Variants in DNAH3 observed in about 807,000 individuals in gnomAD.
The protein encoded by DNAH3 is dynein axonemal heavy chain 3, also known as axonemal beta dynein heavy chain 3.
In DNAH3, 332 loss-of-function variants were observed where a neutral mutation model predicts 432.5. The observed-to-expected ratio is 0.77, with a 90% CI of 0.70 to 0.84. The LOEUF (loss-of-function observed/expected upper bound fraction) is 0.84, where lower values mean the gene tolerates loss of function less well. DNAH3 is among the 40% of genes least tolerant of loss of function. The pLI, the probability that DNAH3 is intolerant of heterozygous loss-of-function variation, is 0.00. For synonymous variants in DNAH3, 1,956 were observed against 1,900.2 expected (o/e 1.03, Z -0.76); for missense variants, 4,861 against 5,114.0 (o/e 0.95, Z 1.51).
At chr16:21,063,880 C>T (rs1782903693) in intron 24 of DNAH3, among the ~76,000 whole-genome samples, 1 of 152,170 alleles carries the variant, frequency 6.6e-6, no homozygotes, top group Non-Finnish European at 1.5e-5. Context: ...AAGACAATTT[C>T]ATCTCTTGTT....
chr16:21,003,765 A>G (rs934032129), intron 41 of DNAH3, among the ~76,000 whole-genome samples: 1 of 152,060 alleles, frequency 6.6e-6, no homozygotes, highest in African/African-American at 2.4e-5. Flanking sequence ...ACAGAGTGAG[A>G]CTCTGTCTCA....
At chr16:20,960,356 T>C (rs947539143) in intron 53 of DNAH3, among the ~76,000 whole-genome samples, 2 of 152,064 alleles carry the variant, frequency 1.3e-5, no homozygotes, top group African/African-American at 4.8e-5. Context: ...TGCATAAAGT[T>C]AGAATTCTCA....
At chr16:21,145,473 C>CA (rs2092771756) in intron 2 of DNAH3, 67 bp from the exon 4 acceptor site, 1 of 1,377,434 alleles carries the variant, frequency 7.3e-7, no homozygotes, top group Non-Finnish European at 1.0e-6. Flanking sequence ...GAGCTCTGCT[C>CA]ACACTGAGGC....
rs754541308 is a variant in DNAH3, at chr16:20,948,521, C to A, written c.11305G>T (p.Gly3769Ter). Reference sequence around the variant, plus strand: ...TGAGGAGGGATGTAGTAAGTGTCTCCAGGAGCGAGGGAGTAATAGTCCTCC... The same window carrying A: ...TGAGGAGGGATGTAGTAAGTGTCTCAAGGAGCGAGGGAGTAATAGTCCTCC... Residue 3769 changes from glycine (G) to a stop codon, truncating the protein, a stop_gained, in exon 57 of 62, where the codon GGA (glycine) becomes TGA (stop). Transcript: ENST00000261383. LOFTEE classifies it high-confidence loss of function. 5.6e-6 allele frequency: 9 copies of A among 1,613,812 alleles called. No individual in the cohort carries two copies. In the South Asian group the frequency reaches 8.8e-5, roughly 16 times the overall value.
chr16:20,989,502 T>C (rs1003181884), intron 44 of DNAH3, among the ~76,000 whole-genome samples: 5 of 152,168 alleles, frequency 3.3e-5, no homozygotes, highest in African/African-American at 1.2e-4. Context: ...AGGGTGCTGA[T>C]TGGTGTGTTT....
chr16:21,145,996 A>G, exon 2 of DNAH3: 1 of 1,611,884 alleles, frequency 6.2e-7, no homozygotes, highest in Admixed American at 1.7e-5. Context: ...GATAGAGTCC[A>G]GACGGTTCCT....
chr16:21,086,795 T>C (rs1202337442), intron 19 of DNAH3, 54 bp downstream of exon 19: 2 of 1,512,232 alleles, frequency 1.3e-6, no homozygotes, highest in Non-Finnish European at 1.8e-6. Context: ...CCAAGGACAG[T>C]CAGGGCCAGG....
At chr16:21,119,412 G>C (rs116701511) in intron 11 of DNAH3, among the ~76,000 whole-genome samples, 1 of 151,712 alleles carries the variant, frequency 6.6e-6, no homozygotes, top group African/African-American at 2.4e-5. Context: ...CAGGCAGATC[G>C]CTTGAGCTCA....
At chr16:21,149,575 A>G (rs183382857) in intron 1 of DNAH3, among the ~76,000 whole-genome samples, 18 of 152,210 alleles carry the variant, frequency 1.2e-4, no homozygotes, top group Non-Finnish European at 2.1e-4. Context: ...CTCTGGTCTT[A>G]GATAAAAATA....
chr16:21,127,640 T>C (rs747614164), intron 8 of DNAH3, 47 bp downstream of exon 9: 3 of 1,605,300 alleles, frequency 1.9e-6, no homozygotes, highest in Non-Finnish European at 2.6e-6. Flanking sequence ...GGGTTTTCAG[T>C]CTTTAAGATA....
At chr16:20,945,264 C>G (rs772828260) in intron 57 of DNAH3, among the ~76,000 whole-genome samples, 26 of 152,194 alleles carry the variant, frequency 1.7e-4, no homozygotes, top group Admixed American at 4.6e-4. Context: ...GACACTCCCA[C>G]CAGCGCCATG....
intron 18 of DNAH3, among the ~76,000 whole-genome samples, chr16:21,093,298 T>C (rs554200079): frequency 6.6e-6 from 1 of 152,224 alleles, no homozygotes; most frequent in South Asian, 2.1e-4. Context: ...CCTCAAAAAG[T>C]GAAATTCAAA....
chr16:21,110,195 T>C (rs1486205098), intron 14 of DNAH3, among the ~76,000 whole-genome samples: 4 of 152,206 alleles, frequency 2.6e-5, no homozygotes, highest in African/African-American at 9.6e-5. Context: ...ATTACCTCTT[T>C]CTGTAACAAC....
At position 20,963,273 on chromosome 16, in the gene DNAH3, T is replaced by C; in HGVS notation, c.10600+11A>G. The stretch of plus-strand genomic sequence containing the variant: ...GCTTTCCACGTCTCTCCCACAACAC[T>C]CTGTTCTTACCTGCCATTGGGTCTG... On this transcript the variant is annotated intron_variant, in intron 53 of 61. Coordinates refer to ENST00000261383, the Ensembl canonical transcript of DNAH3. The C allele has an allele frequency of 2.5e-6, 4 of 1,609,810 alleles. No individual in the cohort carries two copies. The highest frequency in any genetic ancestry group is 3.4e-6 in the Non-Finnish European group (4 of 1,177,402).
exon 37 of DNAH3, chr16:21,031,117 C>G: frequency 6.2e-7 from 1 of 1,614,146 alleles, no homozygotes; most frequent in Non-Finnish European, 8.5e-7. Flanking sequence ...CAAATATAAT[C>G]CACTTGCGAT....
intron 29 of DNAH3, 138 bp from the exon 30 acceptor site, chr16:21,050,156 T>A: frequency 1.5e-6 from 1 of 647,408 alleles, no homozygotes; most frequent in Non-Finnish European, 2.6e-6. Context: ...AAAGTAATGC[T>A]AAAAGCCGCG....
chr16:21,057,366 T>C (rs1050787720), intron 27 of DNAH3, among the ~76,000 whole-genome samples: 5 of 152,246 alleles, frequency 3.3e-5, no homozygotes, highest in Non-Finnish European at 5.9e-5. Flanking sequence ...AGAGCAGACA[T>C]AGCTTCTTCC....
At chr16:21,018,355 G>A (rs910259276) in intron 41 of DNAH3, among the ~76,000 whole-genome samples, 3 of 152,092 alleles carry the variant, frequency 2.0e-5, no homozygotes, top group Non-Finnish European at 4.4e-5. Flanking sequence ...GAAAACATAA[G>A]AAGTGATATT....
chr16:21,033,500 C>T (rs2089000468), intron 36 of DNAH3, among the ~76,000 whole-genome samples: 1 of 151,910 alleles, frequency 6.6e-6, no homozygotes, highest in Non-Finnish European at 1.5e-5. Flanking sequence ...TAGTCATTTG[C>T]CCAAGTCTGA....
Sources: gnomAD v4.1 joint callset for allele counts (sites outside exome capture counted in the v4.1 genomes callset) on GRCh38, gnomAD v4.1.1 for gene constraint, MANE v1.5 for transcripts, NCBI Gene and HGNC (gene_info 2026-07-23, HGNC 2026-07-21) for gene names.